The following NUBP1 variants were observed in gnomAD, a reference collection of about 807,000 sequenced individuals.
NUBP1 encodes cytosolic Fe-S cluster assembly factor NUBP1.
A neutral mutation model predicts 41.8 loss-of-function variants in NUBP1; 46 were observed. The observed-to-expected ratio is 1.10, with a 90% CI of 0.87 to 1.41. The LOEUF is 1.41. Among genes scored for constraint, NUBP1 ranks in the 40% most tolerant of loss-of-function variants. The pLI is 0.00. For synonymous variants in NUBP1, 189 were observed against 154.6 expected, an observed-to-expected ratio of 1.22 and a Z score of -1.65; for missense variants, 494 against 414.0, an observed-to-expected ratio of 1.19 and a Z score of -1.68.
chr16:10,750,000 G>A lies in NUBP1; in HGVS notation c.259-2610G>A, dbSNP rs1900244911. Reference sequence around the variant, plus strand: ...CAAAAGTCACCGACTCCCAGCCTGGGCTTCAAAGTGAGACCCCTGTCTCTA... The same window carrying A: ...CAAAAGTCACCGACTCCCAGCCTGGACTTCAAAGTGAGACCCCTGTCTCTA... On this transcript the variant is annotated intron_variant, in intron 3 of 10. Coordinates refer to ENST00000283027, the MANE Select transcript of NUBP1 (RefSeq NM_002484.4). The surrounding 1 kb of genome is among the most constrained non-coding windows in gnomAD (Gnocchi z 4.1). 6.6e-6 allele frequency among the ~76,000 whole-genome samples: 1 copy of A among 152,188 alleles called. No individual in the cohort carries two copies. Among genetic ancestry groups the A allele is most frequent in the Admixed American group, 6.5e-5 (1 of 15,290 alleles).
intron 3 of NUBP1, among the ~76,000 whole-genome samples, chr16:10,750,320 C>T (rs1900262424): frequency 6.6e-6 from 1 of 152,216 alleles, no homozygotes; most frequent in Non-Finnish European, 1.5e-5. Flanking sequence ...TCTCAGCTCA[C>T]TGCAACCTCC....
chr16:10,754,214 G>GTTTATTTTATTTTATTTTAT (rs201160711), intron 4 of NUBP1, among the ~76,000 whole-genome samples: 18 of 146,084 alleles, frequency 1.2e-4, no homozygotes, highest in African/African-American at 2.0e-4. Context: ...GTTTTGTGGG[G>GTTTATTTTATTTTATTTTAT]TTTATTTTAT....
At chr16:10,763,152 G>A (rs1006712865) in intron 9 of NUBP1, among the ~76,000 whole-genome samples, 22 of 152,112 alleles carry the variant, frequency 1.4e-4, no homozygotes, top group East Asian at 5.8e-4. Flanking sequence ...GAGGGAGGCC[G>A]GGCCCTCTGG....
intron 2 of NUBP1, among the ~76,000 whole-genome samples, chr16:10,745,366 G>A (rs867338096): frequency 3.3e-5 from 5 of 152,116 alleles, no homozygotes; most frequent in Non-Finnish European, 5.9e-5. Flanking sequence ...GAGGTGGGAG[G>A]ATCACTTGAA....
chr16:10,744,036 C>A lies in NUBP1; in HGVS notation c.95C>A (p.Ala32Asp). ...CQGCPNQRLC[A>D]SGAGATPDTA... is the part of the protein sequence containing the mutation. ...GGATGCCCCAACCAGCGGCTGTGCG[C>A]TTCTGGAGCGGGGGCCACTCCGGAC... Residue 32 changes from alanine to aspartate, a missense_variant, in exon 2 of 11, where the codon GCT becomes GAT. Physicochemically the swap from Ala to Asp is moderately radical, Grantham distance 126. Coordinates refer to ENST00000283027, the MANE Select transcript of NUBP1 (RefSeq NM_002484.4). 1 of 1,579,954 alleles carries A rather than the reference C, an allele frequency of 6.3e-7. No homozygotes were observed. The highest frequency in any genetic ancestry group is 8.6e-7 in the Non-Finnish European group (1 of 1,168,090).
In NUBP1 at chr16:10,759,061, C is replaced by T. The variant is rs1900764553; in HGVS notation, c.606+1034C>T. ...CGTTCTCCTCCACACTTAAGAAAGC[C>T]CAGCAAAGGAGGTTTGATTTGATCT... On this transcript the variant is annotated intron_variant, in intron 7 of 10. Transcript: ENST00000283027. This position sits in a 1 kb window ranked among gnomAD's most constrained non-coding sequence, Gnocchi z 4.7. 6.6e-6 allele frequency among the ~76,000 whole-genome samples: 1 copy of T among 152,200 alleles called. No individual in the cohort carries two copies. The highest frequency in any genetic ancestry group is 2.4e-5 in the African/African-American group (1 of 41,448).
rs747246242 is a variant in NUBP1, at chr16:10,761,322, C to T, written c.607-42C>T. On this transcript the variant is annotated intron_variant, in intron 7 of 10. Transcript: ENST00000283027. ...TCGGTTGCACAGACATTCCCTTTCTCGCACTTTGATGCTGGAATCACTGGT... is the reference window on the plus strand; with the variant it reads ...TCGGTTGCACAGACATTCCCTTTCTTGCACTTTGATGCTGGAATCACTGGT... The T allele has an allele frequency of 4.4e-6, 7 of 1,576,800 alleles. No individual in the cohort carries two copies. The East Asian group carries it at 1.1e-4, about 25-fold the overall frequency.
At chr16:10,762,407 C>T (rs1390999538) in intron 9 of NUBP1, among the ~76,000 whole-genome samples, 1 of 152,222 alleles carries the variant, frequency 6.6e-6, no homozygotes, top group Non-Finnish European at 1.5e-5. Flanking sequence ...TGCCCACTCC[C>T]TGAGTGGCCC....
chr16:10,752,827 C>T, intron 4 of NUBP1, 149 bp downstream of exon 4: 2 of 666,096 alleles, frequency 3.0e-6, no homozygotes, highest in South Asian at 1.8e-5. Flanking sequence ...CAAGGTCTCA[C>T]TCTTGTCGCC....
In NUBP1 at chr16:10,755,746, C is replaced by A; in HGVS notation, c.353C>A (p.Ser118Tyr). The A allele has an allele frequency of 6.2e-7, 1 of 1,614,096 alleles. No individual in the cohort carries two copies. Among genetic ancestry groups the A allele is most frequent in the South Asian group, 1.1e-5 (1 of 91,066 alleles). ...EQVHQSGSGW[S>Y]PVYVEDNLGV... ...GTTCACCAGAGTGGCTCAGGCTGGT[C>A]TCCAGTGGTGAGTTTTCACCTCTTT... The change falls in exon 5 of 11, where the codon TCT (serine) becomes TAT (tyrosine). Residue 118 changes from serine to tyrosine, a missense_variant. Transcript: ENST00000283027.
At chr16:10,762,568 T>C (rs1171600470) in intron 9 of NUBP1, among the ~76,000 whole-genome samples, 2 of 152,010 alleles carry the variant, frequency 1.3e-5, no homozygotes, top group African/African-American at 4.8e-5. Context: ...CGGGCCTCCG[T>C]TACTGGGGCC....
chr16:10,757,121 G>A lies in NUBP1; in HGVS notation c.451+341G>A, dbSNP rs1900614583. ...TCAAGACCAGCCTCGCCGACATGGT[G>A]AAACCCTGTCTCTACCAAAAACATA... On this transcript the variant is annotated intron_variant, in intron 6 of 10. Transcript: ENST00000283027. The surrounding 1 kb of genome is among the most constrained non-coding windows in gnomAD (Gnocchi z 4.1). Among the ~76,000 whole-genome samples the A allele has an allele frequency of 6.6e-6, 1 of 152,036 alleles. No individual in the cohort carries two copies. The highest frequency in any genetic ancestry group is 1.5e-5 in the Non-Finnish European group (1 of 68,000).
chr16:10,743,960 G>C lies in NUBP1; in HGVS notation c.20-1G>C. On this transcript the variant is annotated splice_acceptor_variant, in intron 1 of 10. Coordinates refer to ENST00000283027, the MANE Select transcript of NUBP1 (RefSeq NM_002484.4). LOFTEE classifies it high-confidence loss of function. ...CTAACTGTGGTCTTGTCTCTGCGCA[G>C]ACTGTCCAGGGGCCGACAGCGCCCA... 1.3e-6 allele frequency: 2 copies of C among 1,592,858 alleles called. No individual in the cohort carries two copies. The highest frequency in any genetic ancestry group is 1.1e-5 in the South Asian group (1 of 88,186).
Position 10,767,793 on chromosome 16 carries a change from T to C in NUBP1, c.821-156T>C. 1 of 654,240 alleles carries C rather than the reference T, an allele frequency of 1.5e-6. No homozygotes were observed. The highest frequency in any genetic ancestry group is 2.7e-6 in the Non-Finnish European group (1 of 376,800). 40.5% of individuals were successfully genotyped at this position (654,240 alleles called of 1,614,324 possible). A position where few individuals can be genotyped will look rare whatever the true frequency, so the allele number is the denominator to read the frequency against. Reference sequence around the variant, plus strand: ...GGGACCCTGCTGGAAGGAAGGTCCCTGAGACCCCACTGGTCTTTTCTACTT... The same window carrying C: ...GGGACCCTGCTGGAAGGAAGGTCCCCGAGACCCCACTGGTCTTTTCTACTT... On this transcript the variant is annotated intron_variant, in intron 9 of 10. Transcript: ENST00000283027. This position sits in a 1 kb window ranked among gnomAD's most constrained non-coding sequence, Gnocchi z 4.6.
chr16:10,744,180 T>C (rs1472186687), intron 2 of NUBP1, 115 bp downstream of exon 2: 1 of 1,066,576 alleles, frequency 9.4e-7, no homozygotes, highest in Non-Finnish European at 1.3e-6. Context: ...GGCTAGAAGG[T>C]ATTGTATTCG....
rs1050789390 is a variant in NUBP1, at chr16:10,767,380, T to C, written c.821-569T>C. The C allele has an allele frequency of 5.0e-6, 2 of 400,854 alleles. No homozygotes were observed. The highest frequency in any genetic ancestry group is 3.6e-5 in the East Asian group (1 of 28,142). 24.8% of individuals were successfully genotyped at this position (400,854 alleles called of 1,614,324 possible). A position where few individuals can be genotyped will look rare whatever the true frequency, so the allele number is the denominator to read the frequency against. On this transcript the variant is annotated intron_variant, in intron 9 of 10. Transcript: ENST00000283027. The surrounding 1 kb of genome is among the most constrained non-coding windows in gnomAD (Gnocchi z 4.6). ...GCAGACTGATAGACACCAGCACAGATGACCTGGAAGATAAAATTATACACA... is the reference window on the plus strand; with the variant it reads ...GCAGACTGATAGACACCAGCACAGACGACCTGGAAGATAAAATTATACACA...
rs754755546 is a variant in NUBP1, at chr16:10,756,728, C to T, written c.399C>T (p.Phe133=). The part of the protein sequence containing the change: ...EDNLGVMSVG[F]LLSSPDDAVI... Reference sequence around the variant, plus strand: ...ACCTGGGGGTGATGTCAGTGGGCTTCCTGCTCAGCAGTCCTGATGATGCTG... The same window carrying T: ...ACCTGGGGGTGATGTCAGTGGGCTTTCTGCTCAGCAGTCCTGATGATGCTG... Residue 133 remains phenylalanine, a synonymous_variant, in exon 6 of 11, where the codon TTC becomes TTT. Coordinates refer to ENST00000283027, the MANE Select transcript of NUBP1 (RefSeq NM_002484.4). 1 of 1,578,426 alleles carries T rather than the reference C, an allele frequency of 6.3e-7. No individual in the cohort carries two copies. The highest frequency in any genetic ancestry group is 1.2e-5 in the South Asian group (1 of 85,274).
In NUBP1 at chr16:10,769,206, C is replaced by A; in HGVS notation, c.*101C>A. On this transcript the variant is annotated 3_prime_UTR_variant, in exon 11 of 11. Transcript: ENST00000283027. Reference sequence around the variant, plus strand: ...AGCTCCGGGATGGGGTGGGTCACAGCAAAAGGACCAGATGCTGGTGTGGTC... The same window carrying A: ...AGCTCCGGGATGGGGTGGGTCACAGAAAAAGGACCAGATGCTGGTGTGGTC... 2.0e-6 allele frequency: 2 copies of A among 1,001,212 alleles called. No homozygotes were observed. The highest frequency in any genetic ancestry group is 3.1e-6 in the Non-Finnish European group (2 of 641,544). 62.0% of individuals were successfully genotyped at this position (1,001,212 alleles called of 1,614,324 possible). A position where few individuals can be genotyped will look rare whatever the true frequency, so the allele number is the denominator to read the frequency against.
chr16:10,760,954 A>C (rs1046815587), intron 7 of NUBP1: 1 of 197,042 alleles, frequency 5.1e-6, no homozygotes, highest in African/African-American at 2.3e-5. Flanking sequence ...ACAGTTCTGC[A>C]TGGCTGGGAA....
Sources: allele counts gnomAD v4.1 joint callset (sites outside exome capture counted in the v4.1 genomes callset), GRCh38; gene constraint gnomAD v4.1.1; non-coding constraint Gnocchi (gnomAD v3.1); transcripts MANE v1.5; gene names NCBI Gene and HGNC (gene_info 2026-07-23, HGNC 2026-07-21).